The following FGF1 variants were observed in gnomAD, a reference collection of about 807,000 sequenced individuals.
FGF1 encodes fibroblast growth factor 1, also known as beta-endothelial cell growth factor.
FGF1 carries 9 observed loss-of-function variants against 13.4 expected under a neutral mutation model. That is an observed-to-expected ratio of 0.67 (90% CI 0.40 to 1.17). The LOEUF is 1.17. Among genes scored for constraint, FGF1 ranks in the 50% most tolerant of loss-of-function variants. The pLI is 0.01. For synonymous variants in FGF1, 93 were observed against 79.0 expected, an observed-to-expected ratio of 1.18 and a Z score of -0.94; for missense variants, 156 against 192.7, an observed-to-expected ratio of 0.81 and a Z score of 1.13.
chr5:142,673,128 A>C (rs1447289552), intron 1 of FGF1, among the ~76,000 whole-genome samples: 1 of 152,140 alleles, frequency 6.6e-6, no homozygotes, highest in African/African-American at 2.4e-5. Flanking sequence ...CAGTAACACA[A>C]TAGTGTTTTT....
At chr5:142,608,925 G>T (rs891603537) in intron 2 of FGF1, among the ~76,000 whole-genome samples, 1 of 151,814 alleles carries the variant, frequency 6.6e-6, no homozygotes, top group Non-Finnish European at 1.5e-5. Flanking sequence ...GAACCCTGTC[G>T]CGGAGTACAT....
intron 1 of FGF1, among the ~76,000 whole-genome samples, chr5:142,642,314 A>T (rs538321015): frequency 6.6e-6 from 1 of 152,338 alleles, no homozygotes; most frequent in East Asian, 1.9e-4. Context: ...GCTGTCACTT[A>T]TGAAGTACAC....
chr5:142,667,621 G>A (rs1770662237), intron 1 of FGF1, among the ~76,000 whole-genome samples: 1 of 151,708 alleles, frequency 6.6e-6, no homozygotes, highest in South Asian at 2.1e-4. Context: ...AATACAGCAA[G>A]GAAAAATCGC....
chr5:142,602,824 C>G (rs908822614), intron 2 of FGF1, among the ~76,000 whole-genome samples: 11 of 152,016 alleles, frequency 7.2e-5, no homozygotes, highest in African/African-American at 2.7e-4. Context: ...TGTAGCTATA[C>G]CATAATTGTT....
At chr5:142,629,925 G>A (rs571558897) in intron 1 of FGF1, among the ~76,000 whole-genome samples, 29 of 132,300 alleles carry the variant, frequency 2.2e-4, no homozygotes, top group South Asian at 4.6e-4. Context: ...ATAGAGTCTC[G>A]CTCTGTTGGC....
chr5:142,634,289 T>C (rs1763901386), intron 1 of FGF1, among the ~76,000 whole-genome samples: 1 of 152,218 alleles, frequency 6.6e-6, no homozygotes, highest in Non-Finnish European at 1.5e-5. Flanking sequence ...CTCCCACTTA[T>C]TAAATGCAGG....
intron 3 of FGF1, among the ~76,000 whole-genome samples, chr5:142,599,722 C>T (rs775070250): frequency 3.9e-5 from 6 of 152,160 alleles, no homozygotes; most frequent in Non-Finnish European, 7.3e-5. Flanking sequence ...TATTCCTTTC[C>T]CATAAAGACC....
chr5:142,667,558 C>T (rs372562772), intron 1 of FGF1, among the ~76,000 whole-genome samples: 218 of 150,104 alleles, frequency 1.5e-3, no homozygotes, highest in East Asian at 6.0e-3. Context: ...TGCACTCCAG[C>T]CTGGGGGACA....
At chr5:142,687,437 G>A (rs1451690032), upstream of FGF1, among the ~76,000 whole-genome samples, 2 of 152,194 alleles carry the variant, frequency 1.3e-5, no homozygotes, top group Non-Finnish European at 2.9e-5. Context: ...ATAAGCAGCA[G>A]CTCCCAAAAG....
intron 2 of FGF1, among the ~76,000 whole-genome samples, chr5:142,613,575 A>G (rs370674979): frequency 6.6e-6 from 1 of 152,368 alleles, no homozygotes; most frequent in African/African-American, 2.4e-5. Context: ...ATCTCTGTGC[A>G]GGATTTACCA....
intron 1 of FGF1, among the ~76,000 whole-genome samples, chr5:142,663,257 A>AG (rs1561701333): frequency 6.6e-6 from 1 of 151,552 alleles, no homozygotes; most frequent in African/African-American, 2.4e-5. Flanking sequence ...AAGAAAAAAA[A>AG]AAAAAAGAAA....
intron 1 of FGF1, among the ~76,000 whole-genome samples, chr5:142,636,349 G>A (rs1764249691): frequency 6.6e-6 from 1 of 152,256 alleles, no homozygotes; most frequent in Non-Finnish European, 1.5e-5. Context: ...CCTTTAGGGT[G>A]AGGAAGGGAG....
chr5:142,611,707 T>G (rs1467211004), intron 2 of FGF1, among the ~76,000 whole-genome samples: 1 of 152,154 alleles, frequency 6.6e-6, no homozygotes, highest in African/African-American at 2.4e-5. Flanking sequence ...GTCCTCTTGG[T>G]CCTTGTTCTT....
At chr5:142,649,865 A>G (rs1008707490) in intron 1 of FGF1, among the ~76,000 whole-genome samples, 3 of 152,154 alleles carry the variant, frequency 2.0e-5, no homozygotes, top group Admixed American at 1.3e-4. Context: ...GAAAAAAACA[A>G]TTTTCTTTAA....
chr5:142,630,556 C>A (rs1369914033), intron 1 of FGF1, among the ~76,000 whole-genome samples: 1 of 152,174 alleles, frequency 6.6e-6, no homozygotes, highest in South Asian at 2.1e-4. Flanking sequence ...AAATCCAAAC[C>A]CTTACCATGG....
intron 1 of FGF1, among the ~76,000 whole-genome samples, chr5:142,673,500 T>G (rs906321355): frequency 6.6e-6 from 1 of 152,230 alleles, no homozygotes; most frequent in Non-Finnish European, 1.5e-5. Flanking sequence ...TAAACTCTAT[T>G]GCTTATACAA....
intron 1 of FGF1, among the ~76,000 whole-genome samples, chr5:142,626,152 ATTTTTG>A (rs151012110): frequency 0.044 from 6,685 of 152,188 alleles, 180 homozygotes; most frequent in Middle Eastern, 0.1. Flanking sequence ...TTAGGAAAGT[ATTTTTG>A]TTTTTGTTTT....
intron 1 of FGF1, chr5:142,679,920 T>C (rs1458762211): frequency 6.6e-6 from 1 of 152,242 alleles, no homozygotes; most frequent in Non-Finnish European, 1.5e-5. Flanking sequence ...ACTTATTCTC[T>C]TACAGTGTTG....
chr5:142,691,090 A>G (rs925622937), upstream of FGF1, among the ~76,000 whole-genome samples: 1 of 151,914 alleles, frequency 6.6e-6, no homozygotes, highest in African/African-American at 2.4e-5. Context: ...TTTTCCTCAT[A>G]CTACTTACTA....
Sources: gnomAD v4.1 joint callset for allele counts (sites outside exome capture counted in the v4.1 genomes callset) on GRCh38, gnomAD v4.1.1 for gene constraint, MANE v1.5 for transcripts, NCBI Gene and HGNC (gene_info 2026-07-23, HGNC 2026-07-21) for gene names.